PUS10: variants seen among roughly 807,000 people sequenced by gnomAD.
PUS10 encodes pseudouridine synthase 10.
In PUS10, 59 loss-of-function variants were observed where a neutral mutation model predicts 75.0. The observed-to-expected ratio is 0.79, with a 90% CI of 0.64 to 0.98. PUS10 has a LOEUF of 0.98. Ranked by LOEUF, PUS10 falls within the 50% of genes least tolerant of loss-of-function variation. The pLI is 0.00. For synonymous variants in PUS10, 219 were observed against 211.6 expected (o/e 1.03, Z -0.30); for missense variants, 650 against 614.4 (o/e 1.06, Z -0.61).
intron 15 of PUS10, among the ~76,000 whole-genome samples, chr2:60,950,338 C>G (rs1006614483): frequency 2.0e-5 from 3 of 152,136 alleles, no homozygotes; most frequent in Non-Finnish European, 4.4e-5. Flanking sequence ...TATAGACATA[C>G]GTCTATCTTT....
At chr2:61,006,503 AGAAATT>A (rs1679220195) in intron 4 of PUS10, 48 bp downstream of exon 4, 2 of 1,269,768 alleles carry the variant, frequency 1.6e-6, no homozygotes, top group Admixed American at 4.1e-5. Flanking sequence ...CCATTTTTTG[AGAAATT>A]CCTAGCATGC....
chr2:60,960,645 C>G, intron 10 of PUS10, 128 bp from the exon 11 acceptor site: 1 of 741,452 alleles, frequency 1.3e-6, no homozygotes. Context: ...CTATCCTTTA[C>G]CTAACTAACA....
In PUS10 at chr2:60,941,243, G is replaced by A. The variant is rs1344277359; in HGVS notation, c.*1152C>T. 1 of 152,088 alleles carries A rather than the reference G, an allele frequency of 6.6e-6. No individual in the cohort carries two copies. The highest frequency in any genetic ancestry group is 2.4e-5 in the African/African-American group (1 of 41,354). The allele number at this position is 152,088 out of a possible 1,614,324, so 9.4% of individuals were successfully genotyped here. ...CTGAGGTTTAACTTAATAACAAATG[G>A]TAACTATATAAGATTGTATTAAATA... On this transcript the variant is annotated 3_prime_UTR_variant, in exon 18 of 18. Coordinates refer to ENST00000316752, the MANE Select transcript of PUS10 (RefSeq NM_144709.4).
chr2:60,985,390 C>T (rs1233705456), intron 4 of PUS10, among the ~76,000 whole-genome samples: 1 of 152,096 alleles, frequency 6.6e-6, no homozygotes, highest in Non-Finnish European at 1.5e-5. Flanking sequence ...AGGAACAGTA[C>T]AAAACAGTTT....
chr2:61,014,411 C>G (rs1679835477), intron 1 of PUS10, among the ~76,000 whole-genome samples: 1 of 152,022 alleles, frequency 6.6e-6, no homozygotes, highest in Admixed American at 6.6e-5. Context: ...AACAAAAAAA[C>G]CTTCAACAAA....
chr2:60,957,659 G>A (rs2104294089), intron 11 of PUS10, among the ~76,000 whole-genome samples: 1 of 152,380 alleles, frequency 6.6e-6, no homozygotes, highest in Non-Finnish European at 1.5e-5. Context: ...CCTACGCTGT[G>A]CCCTGGTAGA....
At chr2:60,984,177 C>A (rs1677579415) in intron 4 of PUS10, among the ~76,000 whole-genome samples, 1 of 152,056 alleles carries the variant, frequency 6.6e-6, no homozygotes, top group African/African-American at 2.4e-5. Context: ...TAAATGACCA[C>A]AAACAAAGGT....
chr2:60,955,892 G>A (rs1210799438), intron 11 of PUS10, among the ~76,000 whole-genome samples: 3 of 151,624 alleles, frequency 2.0e-5, no homozygotes, highest in Non-Finnish European at 4.4e-5. Context: ...TTAGAACAAA[G>A]CAAAAACAGT....
chr2:60,957,428 C>T (rs1388398103), intron 11 of PUS10, among the ~76,000 whole-genome samples: 7 of 152,162 alleles, frequency 4.6e-5, no homozygotes. Context: ...CATGTAGTAC[C>T]CCCAGCCCAG....
intron 4 of PUS10, among the ~76,000 whole-genome samples, chr2:60,998,401 A>G (rs1338864758): frequency 1.3e-5 from 2 of 152,208 alleles, no homozygotes; most frequent in Non-Finnish European, 2.9e-5. Flanking sequence ...ATTTAAAAAG[A>G]CAATTTCAGG....
chr2:60,978,407 G>A (rs957045185), intron 4 of PUS10, among the ~76,000 whole-genome samples: 5 of 138,386 alleles, frequency 3.6e-5, no homozygotes, highest in Admixed American at 1.5e-4. Context: ...GGGCAACAGA[G>A]TGAGACTCCA....
intron 4 of PUS10, among the ~76,000 whole-genome samples, chr2:60,997,849 T>C (rs1678582605): frequency 6.6e-6 from 1 of 152,184 alleles, no homozygotes. Context: ...AACTCCTTAG[T>C]AAGCTCAGAA....
intron 1 of PUS10, 122 bp downstream of exon 1, chr2:61,017,886 G>A (rs1265314743): frequency 2.0e-6 from 3 of 1,535,974 alleles, no homozygotes; most frequent in Admixed American, 3.9e-5. Context: ...TGAGTTTAGT[G>A]GGCCCGAGCG....
At position 60,962,828 on chromosome 2, in the gene PUS10, A is replaced by G. The variant is rs755678676; in HGVS notation, c.786T>C (p.Leu262=). 1 of 1,584,512 alleles carries G rather than the reference A, an allele frequency of 6.3e-7. No homozygotes were observed. Among genetic ancestry groups the G allele is most frequent in the Non-Finnish European group, 8.6e-7 (1 of 1,168,118 alleles). ...ALNKIKEEDF[L]KQFPCPPNSP... ...TTTGTTTCTAAACTTCTACTTACTTAAGGAAATCCTCTTCCTTTATCTTAT... is the reference window on the plus strand; with the variant it reads ...TTTGTTTCTAAACTTCTACTTACTTGAGGAAATCCTCTTCCTTTATCTTAT... The change falls in exon 9 of 18, where the codon CTT becomes CTC. Residue 262 remains leucine (L), a splice_region_variant and synonymous_variant. Coordinates refer to ENST00000316752, the MANE Select transcript of PUS10 (RefSeq NM_144709.4).
intron 8 of PUS10, among the ~76,000 whole-genome samples, chr2:60,963,891 A>G (rs944996961): frequency 2.0e-5 from 3 of 152,238 alleles, no homozygotes; most frequent in African/African-American, 4.8e-5. Flanking sequence ...CTATTACTTG[A>G]TGCCTATTAT....
chr2:60,995,418 GTTA>G (rs1177393284), intron 4 of PUS10, among the ~76,000 whole-genome samples: 5 of 152,006 alleles, frequency 3.3e-5, no homozygotes, highest in Non-Finnish European at 5.9e-5. Context: ...ATATATATTT[GTTA>G]TTATTATGAA....
At chr2:61,012,274 T>C (rs1024575061) in intron 1 of PUS10, among the ~76,000 whole-genome samples, 5 of 152,162 alleles carry the variant, frequency 3.3e-5, no homozygotes, top group Non-Finnish European at 5.9e-5. Context: ...TTCAGTATTG[T>C]ACAAAGTTAA....
intron 17 of PUS10, among the ~76,000 whole-genome samples, chr2:60,943,660 A>G (rs1171090925): frequency 6.6e-6 from 1 of 152,078 alleles, no homozygotes; most frequent in Non-Finnish European, 1.5e-5. Context: ...TCTCAAGAAG[A>G]TATTTTTGTT....
chr2:61,011,162 ACT>A (rs1264614295), intron 2 of PUS10, among the ~76,000 whole-genome samples: 1 of 152,174 alleles, frequency 6.6e-6, no homozygotes, highest in Non-Finnish European at 1.5e-5. Context: ...AAAGAATATC[ACT>A]TTTAGAATCA....
Sources: gnomAD v4.1 joint callset for allele counts (sites outside exome capture counted in the v4.1 genomes callset) on GRCh38, gnomAD v4.1.1 for gene constraint, MANE v1.5 for transcripts, NCBI Gene and HGNC (gene_info 2026-07-23, HGNC 2026-07-21) for gene names.